The following ARAP2 variants were observed in gnomAD, a reference collection of about 807,000 sequenced individuals.
ARAP2 encodes the protein arf-GAP with Rho-GAP domain, ANK repeat and PH domain-containing protein 2.
In ARAP2, 148 loss-of-function variants were observed where a neutral mutation model predicts 194.5. That is an observed-to-expected ratio of 0.76 (90% CI 0.67 to 0.87). The LOEUF is 0.87. Ranked by LOEUF, ARAP2 falls within the 40% of genes least tolerant of loss-of-function variation. The pLI, the probability that ARAP2 is intolerant of heterozygous loss-of-function variation, is 0.00. For synonymous variants in ARAP2, 695 were observed against 683.5 expected (o/e 1.02, Z -0.26); for missense variants, 2,128 against 1,989.7 (o/e 1.07, Z -1.32).
intron 15 of ARAP2, among the ~76,000 whole-genome samples, chr4:36,153,310 G>C (rs984624619): frequency 1.3e-5 from 2 of 152,090 alleles, no homozygotes; most frequent in African/African-American, 4.8e-5. Context: ...CAATTTAAAG[G>C]TTTAACAAGA....
At chr4:36,020,911 T>A (rs1716821771) in intron 5 of ARAP2, among the ~76,000 whole-genome samples, 3 of 152,172 alleles carry the variant, frequency 2.0e-5, no homozygotes, top group Non-Finnish European at 4.4e-5. Flanking sequence ...TCAAGAACTT[T>A]TTACAAGATG....
intron 5 of ARAP2, among the ~76,000 whole-genome samples, chr4:36,028,754 C>T (rs2109357243): frequency 6.6e-6 from 1 of 151,554 alleles, no homozygotes; most frequent in African/African-American, 2.4e-5. Context: ...GAAATTTGGA[C>T]TTGTTTTGTG....
At position 36,157,959 on chromosome 4, in the gene ARAP2, C is replaced by T. The variant is rs528886891; in HGVS notation, c.2752+771G>A. ...ACCTAGTGAATACTAGGCTCCCGAG[C>T]CCGATCAATGGCCACCATCAATTGG... On this transcript the variant is annotated intron_variant, in intron 15 of 32. Coordinates refer to ENST00000303965, the MANE Select transcript of ARAP2 (RefSeq NM_015230.4). Among the ~76,000 whole-genome samples, 4 of 152,212 alleles carry T rather than the reference C, an allele frequency of 2.6e-5. No homozygotes were observed. In the East Asian group the frequency reaches 5.8e-4, roughly 22 times the overall value.
intron 6 of ARAP2, among the ~76,000 whole-genome samples, chr4:36,199,893 G>C (rs1406908570): frequency 1.3e-5 from 2 of 152,050 alleles, no homozygotes; most frequent in Non-Finnish European, 2.9e-5. Context: ...TAGCTTCTTT[G>C]TGTTAATTAT....
chr4:36,165,264 A>T, intron 10 of ARAP2, 151 bp from the exon 11 acceptor site: 1 of 700,900 alleles, frequency 1.4e-6, no homozygotes, highest in Non-Finnish European at 2.3e-6. Context: ...TTCTGTTAAA[A>T]ATCATTTAAC....
At chr4:36,084,733 G>C (rs1322521357) in intron 28 of ARAP2, among the ~76,000 whole-genome samples, 2 of 151,968 alleles carry the variant, frequency 1.3e-5, no homozygotes, top group African/African-American at 4.8e-5. Flanking sequence ...AGAAATACAG[G>C]GGAAAAGTAA....
At chr4:36,198,831 C>T (rs1011552708) in intron 6 of ARAP2, among the ~76,000 whole-genome samples, 3 of 152,218 alleles carry the variant, frequency 2.0e-5, no homozygotes, top group African/African-American at 7.2e-5. Context: ...GCTCTGCAGC[C>T]CTGACTTGGG....
chr4:36,023,701 A>T (rs1717403266), intron 5 of ARAP2, among the ~76,000 whole-genome samples: 1 of 152,194 alleles, frequency 6.6e-6, no homozygotes, highest in Non-Finnish European at 1.5e-5. Context: ...ACTCGACAAC[A>T]TGCAGGACAT....
Position 36,107,583 on chromosome 4 carries a change from T to C in ARAP2, c.4267A>G (p.Thr1423Ala), listed in dbSNP as rs753687589. The C allele has an allele frequency of 4.3e-6, 7 of 1,609,888 alleles. No individual in the cohort carries two copies. In the African/African-American group the frequency reaches 9.4e-5, roughly 22 times the overall value. Reference sequence around the variant, plus strand: ...CACCTACCACTGCAGTGTTTAATTGTGTCAGCGGTTAAGAATCTCTTCACC... The same window carrying C: ...CACCTACCACTGCAGTGTTTAATTGCGTCAGCGGTTAAGAATCTCTTCACC... ...LVVKRFLTADTIKHCSDRSTL... is the reference protein window; with the variant it reads ...LVVKRFLTADAIKHCSDRSTL... The change falls in exon 27 of 33, where the codon ACA (threonine) becomes GCA (alanine). Residue 1423 changes from threonine (T) to alanine (A), a missense_variant. Transcript: ENST00000303965.
At chr4:36,232,013 C>A (rs1047809307) in intron 1 of ARAP2, among the ~76,000 whole-genome samples, 1 of 152,174 alleles carries the variant, frequency 6.6e-6, no homozygotes, top group African/African-American at 2.4e-5. Flanking sequence ...TTCCCCCAGG[C>A]CCAGAGCCCT....
At chr4:36,013,781 T>G (rs1459291619) in intron 8 of ARAP2, among the ~76,000 whole-genome samples, 1 of 152,086 alleles carries the variant, frequency 6.6e-6, no homozygotes, top group Non-Finnish European at 1.5e-5. Context: ...CAGGTAATTA[T>G]AGGAAAAACA....
At chr4:36,226,421 T>C (rs1369047854) in intron 2 of ARAP2, among the ~76,000 whole-genome samples, 2 of 152,168 alleles carry the variant, frequency 1.3e-5, no homozygotes, top group East Asian at 3.8e-4. Flanking sequence ...GAAATTCCCC[T>C]GAAAGAAATT....
intron 19 of ARAP2, among the ~76,000 whole-genome samples, chr4:36,135,766 GA>G (rs1726557301): frequency 6.6e-6 from 1 of 151,672 alleles, no homozygotes; most frequent in Non-Finnish European, 1.5e-5. Flanking sequence ...TAGGTAAAGA[GA>G]AAAAACTTTT....
intron 32 of ARAP2, among the ~76,000 whole-genome samples, chr4:36,069,714 T>C (rs747024738): frequency 1.3e-5 from 2 of 152,148 alleles, no homozygotes; most frequent in African/African-American, 2.4e-5. Flanking sequence ...ACATACATAA[T>C]GCTGAAATTT....
intron 11 of ARAP2, among the ~76,000 whole-genome samples, chr4:36,163,771 G>A: frequency 6.6e-6 from 1 of 151,900 alleles, no homozygotes; most frequent in East Asian, 1.9e-4. Flanking sequence ...GGAAGCAAAG[G>A]TAGAAAAAAA....
At chr4:36,016,764 G>C (rs78439985) in intron 6 of ARAP2, among the ~76,000 whole-genome samples, 2,168 of 152,214 alleles carry the variant, frequency 0.014, 47 homozygotes, top group African/African-American at 0.048. Context: ...GAAAACGTGA[G>C]ATAAATCACA....
chr4:36,086,610 C>A (rs931547112), intron 28 of ARAP2, among the ~76,000 whole-genome samples: 5 of 152,092 alleles, frequency 3.3e-5, no homozygotes, highest in Non-Finnish European at 7.4e-5. Context: ...GTGTAACTTA[C>A]AGAGAATTTC....
intron 5 of ARAP2, among the ~76,000 whole-genome samples, chr4:36,033,079 G>A (rs1231337882): frequency 1.3e-5 from 2 of 152,148 alleles, no homozygotes; most frequent in Non-Finnish European, 2.9e-5. Context: ...TGTCATTGAT[G>A]GGCATCGAGA....
Position 36,214,473 on chromosome 4 carries a change from G to A in ARAP2, c.913C>T (p.Arg305Cys), listed in dbSNP as rs776369290. 2.6e-5 allele frequency: 42 copies of A among 1,589,344 alleles called. No individual in the cohort carries two copies. Among genetic ancestry groups the A allele is most frequent in the South Asian group, 4.6e-5 (4 of 87,524 alleles). ...STKGVSGSYF[R>C]ERRNVATSTE... ...GAGGTAGCAACATTTCTTCTTTCAC[G>A]GAAATAGCTTAAAAAGCAAAGGAGA... The change falls in exon 3 of 33, where the codon CGT (arginine) becomes TGT (cysteine). Residue 305 changes from arginine to cysteine, a missense_variant. Physicochemically the swap from Arg to Cys is radical, Grantham distance 180. Transcript: ENST00000303965.
Sources: gnomAD v4.1 joint callset for allele counts (sites outside exome capture counted in the v4.1 genomes callset) on GRCh38, gnomAD v4.1.1 for gene constraint, MANE v1.5 for transcripts, NCBI Gene and HGNC (gene_info 2026-07-23, HGNC 2026-07-21) for gene names.